DCDC2: variants seen among roughly 807,000 people sequenced by gnomAD.
DCDC2 encodes the protein doublecortin domain-containing protein 2.
In DCDC2, 40 loss-of-function variants were observed where a neutral mutation model predicts 50.2. The ratio of observed to expected loss-of-function variants is 0.80; its 90% CI spans 0.62 to 1.04. DCDC2 has a LOEUF of 1.04. Among genes scored for constraint, DCDC2 ranks in the 50% least tolerant of loss-of-function variants. The pLI, the probability that DCDC2 is intolerant of heterozygous loss-of-function variation, is 0.00. For missense variants in DCDC2, 570 were observed against 581.9 expected (o/e 0.98, Z 0.21); for synonymous variants, 234 against 210.6 (o/e 1.11, Z -0.96).
intron 8 of DCDC2, among the ~76,000 whole-genome samples, chr6:24,192,652 T>C (rs1164666576): frequency 6.6e-6 from 1 of 151,954 alleles, no homozygotes; most frequent in Non-Finnish European, 1.5e-5. Flanking sequence ...AGCTCTTAGA[T>C]GTTAAAAATA....
intron 7 of DCDC2, among the ~76,000 whole-genome samples, chr6:24,245,803 A>C (rs1039886405): frequency 6.6e-6 from 1 of 152,354 alleles, no homozygotes; most frequent in African/African-American, 2.4e-5. Flanking sequence ...AACAATACTG[A>C]AAGAAAACAA....
chr6:24,251,182 TCTC>T (rs1333266745), intron 7 of DCDC2, among the ~76,000 whole-genome samples: 1 of 152,164 alleles, frequency 6.6e-6, no homozygotes, highest in East Asian at 1.9e-4. Context: ...TTTAGAATTC[TCTC>T]CTGTTTCCTA....
chr6:24,348,395 TAAGA>T (rs1310916558), intron 2 of DCDC2, among the ~76,000 whole-genome samples: 2 of 152,180 alleles, frequency 1.3e-5, no homozygotes, highest in Admixed American at 6.5e-5. Flanking sequence ...GCATCAGCAG[TAAGA>T]AAGCAGTCAT....
the DCDC2 span, among the ~76,000 whole-genome samples, chr6:24,363,352 T>C: frequency 0.54 from 81,575 of 151,930 alleles, 24,004 homozygotes; most frequent in East Asian, 0.8. Context: ...ACTAAAAAAA[T>C]TATCAGGGCA....
chr6:24,263,192 T>C (rs1444487497), intron 7 of DCDC2, among the ~76,000 whole-genome samples: 1 of 152,186 alleles, frequency 6.6e-6, no homozygotes, highest in Non-Finnish European at 1.5e-5. Context: ...CTAATGCAGA[T>C]GCAGCTGCAG....
At chr6:24,329,056 C>A (rs7449704) in intron 2 of DCDC2, among the ~76,000 whole-genome samples, 13 of 152,284 alleles carry the variant, frequency 8.5e-5, no homozygotes, top group Non-Finnish European at 1.3e-4. Context: ...AAATTCACGT[C>A]TTTTCCACCA....
At chr6:24,200,421 G>A (rs538395367) in intron 8 of DCDC2, among the ~76,000 whole-genome samples, 15 of 152,244 alleles carry the variant, frequency 9.9e-5, no homozygotes, top group Admixed American at 2.0e-4. Context: ...CTTCATAAGC[G>A]AAGGAGAAAT....
chr6:24,174,998 G>T (rs1320765556), intron 9 of DCDC2, among the ~76,000 whole-genome samples, 164 bp from the exon 10 acceptor site: 2 of 152,034 alleles, frequency 1.3e-5, no homozygotes, highest in Admixed American at 1.3e-4. Context: ...ATTACCCAGT[G>T]GACATACTGT....
intron 7 of DCDC2, among the ~76,000 whole-genome samples, chr6:24,216,372 A>G (rs1159038886): frequency 6.6e-6 from 1 of 152,184 alleles, no homozygotes; most frequent in African/African-American, 2.4e-5. Flanking sequence ...GGGAAAGTGG[A>G]AGTCAACACC....
chr6:24,362,471 A>C (rs961899971), upstream of DCDC2, among the ~76,000 whole-genome samples: 1 of 133,232 alleles, frequency 7.5e-6, no homozygotes, highest in Non-Finnish European at 1.6e-5. Flanking sequence ...TTGTATATTT[A>C]TACAATTTTT....
intron 2 of DCDC2, among the ~76,000 whole-genome samples, chr6:24,340,527 A>G (rs7775064): frequency 0.32 from 49,086 of 151,946 alleles, 9,456 homozygotes; most frequent in African/African-American, 0.55. Flanking sequence ...AATATTTTTA[A>G]TTGACACTTC....
chr6:24,282,622 A>G (rs1273851464), intron 6 of DCDC2, among the ~76,000 whole-genome samples: 1 of 152,146 alleles, frequency 6.6e-6, no homozygotes, highest in Non-Finnish European at 1.5e-5. Context: ...TCATTAGCAT[A>G]AAAACTCATT....
At chr6:24,238,715 A>C (rs906435669) in intron 7 of DCDC2, among the ~76,000 whole-genome samples, 7 of 152,190 alleles carry the variant, frequency 4.6e-5, no homozygotes, top group African/African-American at 1.4e-4. Flanking sequence ...GACCAAAATG[A>C]GCATCAATAT....
chr6:24,359,542 AT>A (rs1760622944), upstream of DCDC2, among the ~76,000 whole-genome samples: 1 of 108,740 alleles, frequency 9.2e-6, no homozygotes, highest in African/African-American at 3.7e-5. Context: ...TTTTTTATAT[AT>A]TTTATATATA....
chr6:24,215,712 C>T (rs1164348075), intron 7 of DCDC2, among the ~76,000 whole-genome samples: 1 of 152,132 alleles, frequency 6.6e-6, no homozygotes, highest in Non-Finnish European at 1.5e-5. Flanking sequence ...ACAAAGCATG[C>T]CATGATGGGT....
intron 7 of DCDC2, among the ~76,000 whole-genome samples, chr6:24,242,164 A>AC (rs1043709365): frequency 6.6e-6 from 1 of 152,044 alleles, no homozygotes; most frequent in Admixed American, 6.5e-5. Context: ...ACAGAGTAAG[A>AC]CCCTCTCTCA....
At chr6:24,197,204 G>T (rs1761463894) in intron 8 of DCDC2, among the ~76,000 whole-genome samples, 2 of 152,176 alleles carry the variant, frequency 1.3e-5, no homozygotes, top group Non-Finnish European at 2.9e-5. Context: ...AGTTAAATAA[G>T]AAATCAAGCC....
At chr6:24,232,063 A>G (rs1239590454) in intron 7 of DCDC2, among the ~76,000 whole-genome samples, 2 of 151,926 alleles carry the variant, frequency 1.3e-5, no homozygotes, top group African/African-American at 4.8e-5. Flanking sequence ...AAAATGCTCA[A>G]TTTTGTTGAT....
chr6:24,234,341 C>T (rs1762399539), intron 7 of DCDC2, among the ~76,000 whole-genome samples: 2 of 152,042 alleles, frequency 1.3e-5, no homozygotes, highest in Admixed American at 1.3e-4. Context: ...AGAGTCAGAA[C>T]ATAAACTTGA....
Sources: gnomAD v4.1 joint callset for allele counts (sites outside exome capture counted in the v4.1 genomes callset) on GRCh38, gnomAD v4.1.1 for gene constraint, MANE v1.5 for transcripts, NCBI Gene and HGNC (gene_info 2026-07-23, HGNC 2026-07-21) for gene names.